PTGER3: variants seen among roughly 807,000 people sequenced by gnomAD.
PTGER3 encodes the protein prostaglandin E2 receptor EP3 subtype.
PTGER3 carries 22 observed loss-of-function variants against 34.7 expected under a neutral mutation model. The observed-to-expected ratio is 0.63, with a 90% CI of 0.45 to 0.91. The LOEUF is 0.91. Among genes scored for constraint, PTGER3 ranks in the 40% least tolerant of loss-of-function variants. The pLI, the probability that PTGER3 is intolerant of heterozygous loss-of-function variation, is 0.00. For synonymous variants in PTGER3, 241 were observed against 230.1 expected (o/e 1.05, Z -0.43); for missense variants, 468 against 519.4 (o/e 0.90, Z 0.96).
chr1:70,894,338 G>T (rs1457977481), intron 4 of PTGER3, among the ~76,000 whole-genome samples: 1 of 140,338 alleles, frequency 7.1e-6, no homozygotes, highest in Non-Finnish European at 1.6e-5. Context: ...AAAAAAGAGT[G>T]CCTGATAAAT....
At chr1:71,000,992 A>T (rs1447577312) in intron 2 of PTGER3, among the ~76,000 whole-genome samples, 3 of 152,168 alleles carry the variant, frequency 2.0e-5, no homozygotes, top group Non-Finnish European at 4.4e-5. Context: ...TGAGTGTGAG[A>T]TAACAATATA....
intron 4 of PTGER3, among the ~76,000 whole-genome samples, chr1:70,891,091 A>G (rs1331642751): frequency 6.6e-6 from 1 of 152,146 alleles, no homozygotes; most frequent in Non-Finnish European, 1.5e-5. Flanking sequence ...ACCTGGCTGT[A>G]TTAAGTGGCA....
At chr1:71,027,213 G>A (rs1385759701) in intron 1 of PTGER3, among the ~76,000 whole-genome samples, 2 of 129,414 alleles carry the variant, frequency 1.5e-5, no homozygotes, top group Non-Finnish European at 3.4e-5. Context: ...ACCGAGGCTG[G>A]AGTGCAGTAA....
intron 2 of PTGER3, among the ~76,000 whole-genome samples, chr1:70,985,573 G>A (rs1423031472): frequency 2.0e-5 from 3 of 152,078 alleles, no homozygotes; most frequent in African/African-American, 7.2e-5. Context: ...TGTTTCTTGT[G>A]ATTAGGCAAA....
intron 4 of PTGER3, among the ~76,000 whole-genome samples, chr1:70,929,042 G>A (rs753997549): frequency 6.6e-5 from 10 of 152,060 alleles, no homozygotes; most frequent in African/African-American, 1.2e-4. Flanking sequence ...TCAGAACTCC[G>A]TTTCTCAGGA....
chr1:71,001,390 A>G (rs1365393839), intron 2 of PTGER3, among the ~76,000 whole-genome samples: 1 of 152,240 alleles, frequency 6.6e-6, no homozygotes, highest in African/African-American at 2.4e-5. Flanking sequence ...GATGAAGAGT[A>G]AAGCAAAAGG....
Position 70,918,120 on chromosome 1 carries a change from G to T in PTGER3, c.*23+35643C>A, listed in dbSNP as rs192825259. 4.6e-5 allele frequency among the ~76,000 whole-genome samples: 7 copies of T among 151,964 alleles called. No individual in the cohort carries two copies. The East Asian group carries it at 1.4e-3, about 29-fold the overall frequency. The stretch of plus-strand genomic sequence containing the variant: ...TACAGCCAACTGATTTTCAACAAAG[G>T]TACCAACAACACAAGACATACTGGG... On this transcript the variant is annotated intron_variant, in intron 4 of 4. Coordinates refer to the PTGER3 transcript ENST00000370931.
intron 2 of PTGER3, among the ~76,000 whole-genome samples, chr1:70,987,972 A>C (rs1328982791): frequency 6.6e-6 from 1 of 152,128 alleles, no homozygotes; most frequent in Admixed American, 6.5e-5. Context: ...ACGTAGTGTA[A>C]ATTGTATGTA....
At chr1:70,867,471 A>AGGG in intron 4 of PTGER3, among the ~76,000 whole-genome samples, 1 of 152,200 alleles carries the variant, frequency 6.6e-6, no homozygotes. Context: ...CTGTAATCCC[A>AGGG]GCATGTTGGG....
chr1:70,904,374 G>T (rs1431757984), intron 4 of PTGER3, among the ~76,000 whole-genome samples: 1 of 152,204 alleles, frequency 6.6e-6, no homozygotes, highest in East Asian at 1.9e-4. Context: ...TTTGCAACTG[G>T]GTAACAGGTG....
At chr1:70,912,833 C>T (rs192280737) in intron 4 of PTGER3, among the ~76,000 whole-genome samples, 70 of 151,838 alleles carry the variant, frequency 4.6e-4, no homozygotes, top group African/African-American at 1.5e-3. Context: ...TTTCTTAATT[C>T]CTATTCAGTT....
At position 71,017,972 on chromosome 1, in the gene PTGER3, C is replaced by A. The variant is rs1658061971; in HGVS notation, c.898-5488G>T. ...TAGAGATGGGGTTTCACCATATTGG[C>A]CAGGCTGGTCTCAAACTCCTGGGCT... On this transcript the variant is annotated intron_variant, in intron 1 of 3. Coordinates refer to ENST00000306666, the MANE Select transcript of PTGER3 (RefSeq NM_198719.2). Among the ~76,000 whole-genome samples the A allele has an allele frequency of 2.0e-5, 3 of 152,248 alleles. No individual in the cohort carries two copies. In the South Asian group the frequency reaches 6.2e-4, roughly 32 times the overall value.
At chr1:70,899,633 G>T (rs902197515) in intron 4 of PTGER3, among the ~76,000 whole-genome samples, 4 of 151,904 alleles carry the variant, frequency 2.6e-5, no homozygotes, top group African/African-American at 9.7e-5. Context: ...TACTCTTAAG[G>T]AGCTTTTCAA....
At chr1:70,921,803 T>C (rs1325558159) in intron 4 of PTGER3, among the ~76,000 whole-genome samples, 2 of 152,218 alleles carry the variant, frequency 1.3e-5, no homozygotes, top group Non-Finnish European at 1.5e-5. Context: ...AATTCCTGGC[T>C]TGGAAAATTG....
intron 4 of PTGER3, among the ~76,000 whole-genome samples, chr1:70,947,010 G>A (rs1453850981): frequency 4.6e-5 from 7 of 152,104 alleles, no homozygotes; most frequent in South Asian, 2.1e-4. Context: ...AAACTCAAGA[G>A]TTCCAGGACT....
intron 4 of PTGER3, among the ~76,000 whole-genome samples, chr1:70,882,472 G>A (rs1646410373): frequency 6.6e-6 from 1 of 152,222 alleles, no homozygotes; most frequent in African/African-American, 2.4e-5. Context: ...CTGGAAGCTG[G>A]TAGTGAGCCC....
intron 4 of PTGER3, among the ~76,000 whole-genome samples, chr1:70,940,647 C>T (rs542170826): frequency 6.6e-6 from 1 of 152,212 alleles, no homozygotes; most frequent in South Asian, 2.1e-4. Context: ...CTGATAAACC[C>T]ATCAGATCTT....
intron 4 of PTGER3, among the ~76,000 whole-genome samples, chr1:70,912,661 C>G (rs1647085949): frequency 6.6e-6 from 1 of 152,042 alleles, no homozygotes; most frequent in East Asian, 1.9e-4. Flanking sequence ...TACACTCAGT[C>G]TGAAACATGC....
intron 2 of PTGER3, among the ~76,000 whole-genome samples, chr1:70,999,976 T>G (rs1296991414): frequency 6.6e-6 from 1 of 152,216 alleles, no homozygotes; most frequent in Non-Finnish European, 1.5e-5. Flanking sequence ...CATATGGACC[T>G]TCACATTTTT....
Sources: allele counts gnomAD v4.1 joint callset (sites outside exome capture counted in the v4.1 genomes callset), GRCh38; gene constraint gnomAD v4.1.1; transcripts MANE v1.5; gene names NCBI Gene and HGNC (gene_info 2026-07-23, HGNC 2026-07-21).